DROSHA: variants seen among roughly 807,000 people sequenced by gnomAD.
DROSHA encodes the protein ribonuclease 3.
DROSHA carries 56 observed loss-of-function variants against 181.9 expected under a neutral mutation model. That is an observed-to-expected ratio of 0.31 (90% CI 0.25 to 0.38). DROSHA has a LOEUF of 0.38. Among genes scored for constraint, DROSHA ranks in the 10% least tolerant of loss-of-function variants. The pLI is 1.00. For synonymous variants in DROSHA, 524 were observed against 591.2 expected (o/e 0.89, Z 1.65); for missense variants, 1,218 against 1,743.5 (o/e 0.70, Z 5.37).
chr5:31,484,299 G>A (rs1422782558), intron 15 of DROSHA, among the ~76,000 whole-genome samples: 5 of 148,850 alleles, frequency 3.4e-5, no homozygotes, highest in Non-Finnish European at 5.9e-5. Flanking sequence ...GCGTGAACCC[G>A]GGAAGCGGAG....
At chr5:31,434,682 G>A (rs1414817417) in intron 25 of DROSHA, among the ~76,000 whole-genome samples, 3 of 152,188 alleles carry the variant, frequency 2.0e-5, no homozygotes, top group Non-Finnish European at 2.9e-5. Context: ...AAGCTAGGAT[G>A]GGCTTTATCT....
rs73747862 is a variant in DROSHA, at chr5:31,404,074, A to G, written c.3994+1603T>C. On this transcript the variant is annotated intron_variant, in intron 35 of 35. Coordinates refer to ENST00000344624, the MANE Select transcript of DROSHA (RefSeq NM_001382508.1). ...CTAGCACTATAAGTGCATGCCACCAAGCCTGGCTAATTTTTTTTTTTTTTT... is the reference window on the plus strand; with the variant it reads ...CTAGCACTATAAGTGCATGCCACCAGGCCTGGCTAATTTTTTTTTTTTTTT... Among the ~76,000 whole-genome samples, 199 of 148,260 alleles carry G rather than the reference A, an allele frequency of 1.3e-3. 1 individual carries two copies. The highest frequency in any genetic ancestry group is 0.01 in the Middle Eastern group (3 of 286).
chr5:31,487,997 T>C (rs557824542), intron 13 of DROSHA, among the ~76,000 whole-genome samples: 1 of 152,302 alleles, frequency 6.6e-6, no homozygotes, highest in South Asian at 2.1e-4. Context: ...AAGAAAGGCA[T>C]GTAAGTAAAT....
chr5:31,469,774 C>A (rs953682251), intron 17 of DROSHA, among the ~76,000 whole-genome samples: 4 of 152,104 alleles, frequency 2.6e-5, no homozygotes, highest in African/African-American at 9.7e-5. Flanking sequence ...TTTGGCTACA[C>A]CCTATAACAT....
At chr5:31,440,497 T>C (rs1745443672) in intron 23 of DROSHA, among the ~76,000 whole-genome samples, 2 of 152,198 alleles carry the variant, frequency 1.3e-5, no homozygotes, top group South Asian at 4.1e-4. Context: ...TACCCTACTA[T>C]TCCTCCACAT....
rs1741332704 is a variant in DROSHA, at chr5:31,411,721, G to A, written c.3526-834C>T. 6.6e-6 allele frequency among the ~76,000 whole-genome samples: 1 copy of A among 152,060 alleles called. No homozygotes were observed. Among genetic ancestry groups the A allele is most frequent in the Non-Finnish European group, 1.5e-5 (1 of 68,020 alleles). On this transcript the variant is annotated intron_variant, in intron 30 of 35. Transcript: ENST00000344624. This position sits in a 1 kb window ranked among gnomAD's most constrained non-coding sequence, Gnocchi z 4.2. ...GGCTCACTGCAACCTCCACCTTCTG[G>A]ACTCAAGCTATCCTCCCACCTCAGC...
chr5:31,430,764 A>G (rs1744077209), intron 26 of DROSHA, among the ~76,000 whole-genome samples: 1 of 152,240 alleles, frequency 6.6e-6, no homozygotes, highest in Non-Finnish European at 1.5e-5. Flanking sequence ...ACTGTGGATA[A>G]TTATTAAACA....
intron 26 of DROSHA, among the ~76,000 whole-genome samples, chr5:31,429,849 C>A (rs185869217): frequency 2.8e-4 from 42 of 152,040 alleles, no homozygotes; most frequent in African/African-American, 9.9e-4. Flanking sequence ...GAGCAATGCA[C>A]AAATACTTGA....
At chr5:31,475,657 C>T (rs1750275735) in intron 16 of DROSHA, among the ~76,000 whole-genome samples, 1 of 152,116 alleles carries the variant, frequency 6.6e-6, no homozygotes, top group Non-Finnish European at 1.5e-5. Flanking sequence ...GCTTATAATG[C>T]CTATACTTGG....
intron 9 of DROSHA, 45 bp downstream of exon 9, chr5:31,510,990 G>A (rs375364039): frequency 3.8e-6 from 6 of 1,596,264 alleles, no homozygotes; most frequent in Admixed American, 3.6e-5. Flanking sequence ...TAGGAATGAA[G>A]CTATAATCGC....
intron 27 of DROSHA, among the ~76,000 whole-genome samples, chr5:31,427,999 A>AGG (rs2149999707): frequency 6.6e-6 from 1 of 152,326 alleles, no homozygotes; most frequent in East Asian, 1.9e-4. Context: ...CCTGTTTGTA[A>AGG]GATAATGTTC....
At chr5:31,480,273 A>G (rs1465332133) in intron 16 of DROSHA, among the ~76,000 whole-genome samples, 1 of 147,888 alleles carries the variant, frequency 6.8e-6, no homozygotes. Flanking sequence ...ATATAATACT[A>G]TATAGTAGTG....
chr5:31,510,525 T>C (rs1738548544), intron 9 of DROSHA, among the ~76,000 whole-genome samples: 1 of 152,242 alleles, frequency 6.6e-6, no homozygotes, highest in Non-Finnish European at 1.5e-5. Context: ...GCAATTTCCA[T>C]TCTCAAAGAT....
chr5:31,459,469 C>A (rs1748121686), intron 20 of DROSHA, among the ~76,000 whole-genome samples: 2 of 149,894 alleles, frequency 1.3e-5, no homozygotes, highest in Admixed American at 6.7e-5. Context: ...TTAAACAAAT[C>A]TTTCCTTTCT....
intron 35 of DROSHA, among the ~76,000 whole-genome samples, chr5:31,404,180 A>C (rs956356465): frequency 6.6e-6 from 1 of 151,942 alleles, no homozygotes; most frequent in African/African-American, 2.4e-5. Context: ...ATTGCTTTCC[A>C]GTAGTTTAAA....
chr5:31,448,431 G>C, intron 23 of DROSHA, 116 bp downstream of exon 23: 1 of 858,888 alleles, frequency 1.2e-6, no homozygotes, highest in Non-Finnish European at 1.8e-6. Flanking sequence ...TGATGGCCAT[G>C]GATACACAAT....
chr5:31,473,314 C>T (rs1276455583), intron 16 of DROSHA, among the ~76,000 whole-genome samples: 1 of 152,204 alleles, frequency 6.6e-6, no homozygotes, highest in East Asian at 1.9e-4. Context: ...TTAAACAAGA[C>T]TGCATGTCTG....
chr5:31,508,317 C>T (rs1484432728), intron 10 of DROSHA, among the ~76,000 whole-genome samples: 1 of 152,166 alleles, frequency 6.6e-6, no homozygotes, highest in Admixed American at 6.5e-5. Context: ...AAAAGACCTC[C>T]AAGTTCTCTC....
chr5:31,441,078 A>G (rs1402655401), intron 23 of DROSHA, among the ~76,000 whole-genome samples: 4 of 152,000 alleles, frequency 2.6e-5, no homozygotes, highest in Non-Finnish European at 4.4e-5. Flanking sequence ...GAGAAAATAC[A>G]TTCATGTCTA....
Sources: gnomAD v4.1 joint callset for allele counts (sites outside exome capture counted in the v4.1 genomes callset) on GRCh38, gnomAD v4.1.1 for gene constraint, Gnocchi (gnomAD v3.1) non-coding constraint, MANE v1.5 for transcripts, NCBI Gene and HGNC (gene_info 2026-07-23, HGNC 2026-07-21) for gene names.